LRRC7: variants seen among roughly 807,000 people sequenced by gnomAD.
LRRC7 encodes the protein leucine rich repeat containing 7, also known as leucine-rich repeat-containing protein 7.
A neutral mutation model predicts 175.7 loss-of-function variants in LRRC7; 23 were observed. The ratio of observed to expected loss-of-function variants is 0.13; its 90% CI spans 0.09 to 0.19. The LOEUF is 0.19. Among genes scored for constraint, LRRC7 ranks in the 10% least tolerant of loss-of-function variants. The pLI, the probability that LRRC7 is intolerant of heterozygous loss-of-function variation, is 1.00. For synonymous variants in LRRC7, 685 were observed against 680.9 expected (o/e 1.01, Z -0.09); for missense variants, 1,354 against 1,904.7 (o/e 0.71, Z 5.38).
intron 7 of LRRC7, among the ~76,000 whole-genome samples, chr1:69,861,337 C>T (rs1684335604): frequency 1.3e-5 from 2 of 152,068 alleles, no homozygotes; most frequent in Admixed American, 1.3e-4. Context: ...AAATGGTATT[C>T]TTAAACAATT....
intron 25 of LRRC7, among the ~76,000 whole-genome samples, chr1:70,092,629 C>T (rs780739791): frequency 2.6e-5 from 4 of 152,176 alleles, no homozygotes; most frequent in Middle Eastern, 3.4e-3. Context: ...GCATCCAAAA[C>T]GATTACAGCC....
chr1:69,783,474 A>C (rs527607703), intron 3 of LRRC7, among the ~76,000 whole-genome samples: 5 of 152,022 alleles, frequency 3.3e-5, no homozygotes, highest in Non-Finnish European at 7.4e-5. Context: ...ATGATCCTGG[A>C]GGCCGGGCGC....
At chr1:69,576,454 C>G (rs554368634) in intron 1 of LRRC7, among the ~76,000 whole-genome samples, 1 of 151,988 alleles carries the variant, frequency 6.6e-6, no homozygotes, top group East Asian at 1.9e-4. Context: ...CACCAGCAAA[C>G]CATATTAGCA....
At chr1:69,934,830 A>G (rs1218961043) in intron 8 of LRRC7, among the ~76,000 whole-genome samples, 2 of 152,046 alleles carry the variant, frequency 1.3e-5, no homozygotes, top group Non-Finnish European at 2.9e-5. Context: ...CCCCTAGTCT[A>G]GACCCAGCTT....
At chr1:69,868,236 T>A (rs1913274) in intron 7 of LRRC7, among the ~76,000 whole-genome samples, 1 of 151,822 alleles carries the variant, frequency 6.6e-6, no homozygotes, top group Non-Finnish European at 1.5e-5. Flanking sequence ...ACAATAAAAT[T>A]TCTATTATTT....
At position 69,749,897 on chromosome 1, in the gene LRRC7, A is replaced by C. The variant is rs1239882869; in HGVS notation, c.101-10294A>C. ...GCCAACATGGTGAAACCCCTTCTCT[A>C]CTAAAATATAAAAATTAGCCAGGCA... On this transcript the variant is annotated intron_variant, in intron 2 of 26. Coordinates refer to ENST00000651989, the MANE Select transcript of LRRC7 (RefSeq NM_001370785.2). Among the ~76,000 whole-genome samples, 7 of 151,786 alleles carry C rather than the reference A, an allele frequency of 4.6e-5. 1 individual carries two copies. The highest frequency in any genetic ancestry group is 1.0e-4 in the Non-Finnish European group (7 of 67,936).
chr1:69,873,165 C>T (rs1007218967), intron 7 of LRRC7, among the ~76,000 whole-genome samples: 2 of 152,118 alleles, frequency 1.3e-5, no homozygotes, highest in African/African-American at 4.8e-5. Flanking sequence ...GGCTTATCAC[C>T]TGATGATCAT....
intron 18 of LRRC7, among the ~76,000 whole-genome samples, chr1:70,033,389 C>T (rs572339034): frequency 7.2e-5 from 11 of 152,102 alleles, no homozygotes; most frequent in African/African-American, 1.7e-4. Context: ...ATAGTAGCAC[C>T]GCAGCAGATG....
intron 2 of LRRC7, among the ~76,000 whole-genome samples, chr1:69,692,003 A>G (rs553576220): frequency 6.6e-6 from 1 of 152,224 alleles, no homozygotes; most frequent in South Asian, 2.1e-4. Flanking sequence ...CTTGATCTTT[A>G]TTACTTATAA....
At chr1:69,670,870 G>T (rs1442835332) in intron 1 of LRRC7, among the ~76,000 whole-genome samples, 1 of 152,072 alleles carries the variant, frequency 6.6e-6, no homozygotes, top group Non-Finnish European at 1.5e-5. Context: ...TCAGTTTGTG[G>T]TGAATGCTGC....
intron 8 of LRRC7, among the ~76,000 whole-genome samples, chr1:69,971,888 T>G (rs1049239405): frequency 6.6e-6 from 1 of 152,154 alleles, no homozygotes; most frequent in Non-Finnish European, 1.5e-5. Flanking sequence ...AAGGCCGTAG[T>G]CACCAAAACA....
chr1:69,778,554 T>C (rs1043119049), intron 3 of LRRC7, among the ~76,000 whole-genome samples: 4 of 151,936 alleles, frequency 2.6e-5, no homozygotes, highest in African/African-American at 9.7e-5. Flanking sequence ...ATCAGGGAGG[T>C]CCACCTGGCA....
intron 7 of LRRC7, among the ~76,000 whole-genome samples, chr1:69,852,007 A>G (rs536134590): frequency 5.6e-4 from 86 of 152,254 alleles, no homozygotes; most frequent in Admixed American, 3.1e-3. Context: ...AAAGGTCAGG[A>G]AAAAATGTTT....
At chr1:69,657,435 GA>G (rs1273692345) in intron 1 of LRRC7, among the ~76,000 whole-genome samples, 2 of 151,660 alleles carry the variant, frequency 1.3e-5, no homozygotes, top group Non-Finnish European at 3.0e-5. Context: ...ATCATATATG[GA>G]AGCAGATTAT....
At chr1:69,574,768 C>A (rs935284202) in intron 1 of LRRC7, among the ~76,000 whole-genome samples, 1 of 152,038 alleles carries the variant, frequency 6.6e-6, no homozygotes, top group Admixed American at 6.6e-5. Context: ...TACCTTGGAC[C>A]ACATATTTTG....
intron 7 of LRRC7, among the ~76,000 whole-genome samples, chr1:69,866,958 A>G (rs889277641): frequency 3.9e-5 from 6 of 152,202 alleles, no homozygotes; most frequent in African/African-American, 1.4e-4. Flanking sequence ...AGCTCACAGT[A>G]GGAGTAAAAT....
At chr1:69,657,244 A>C (rs895355631) in intron 1 of LRRC7, among the ~76,000 whole-genome samples, 7 of 151,852 alleles carry the variant, frequency 4.6e-5, no homozygotes, top group African/African-American at 1.7e-4. Flanking sequence ...GATTAATCTG[A>C]AAGACTAAAA....
At position 69,895,514 on chromosome 1, in the gene LRRC7, T is replaced by G. The variant is rs1393489275; in HGVS notation, c.648-35993T>G. On this transcript the variant is annotated intron_variant, in intron 7 of 26. Coordinates refer to ENST00000651989, the MANE Select transcript of LRRC7 (RefSeq NM_001370785.2). ...GTAGAATTTTACAAGTTTTGAAATA[T>G]ATACATACCAGTGAAAGCATCACTG... 2.0e-5 allele frequency among the ~76,000 whole-genome samples: 3 copies of G among 152,294 alleles called. No homozygotes were observed. The East Asian group carries it at 5.8e-4, about 29-fold the overall frequency.
At chr1:69,618,180 T>G (rs1649988669) in intron 1 of LRRC7, among the ~76,000 whole-genome samples, 1 of 152,090 alleles carries the variant, frequency 6.6e-6, no homozygotes, top group Admixed American at 6.6e-5. Flanking sequence ...AATTTCTTCT[T>G]TTTCCATTAC....
Sources: gnomAD v4.1 joint callset for allele counts (sites outside exome capture counted in the v4.1 genomes callset) on GRCh38, gnomAD v4.1.1 for gene constraint, MANE v1.5 for transcripts, NCBI Gene and HGNC (gene_info 2026-07-23, HGNC 2026-07-21) for gene names.